ATP2A2: variants seen among roughly 807,000 people sequenced by gnomAD.
ATP2A2 encodes sarcoplasmic/endoplasmic reticulum calcium ATPase 2.
In ATP2A2, 14 loss-of-function variants were observed where a neutral mutation model predicts 109.3. The observed-to-expected ratio is 0.13, with a 90% confidence interval of 0.08 to 0.20. The LOEUF (loss-of-function observed/expected upper bound fraction) is 0.20, where lower values mean the gene tolerates loss of function less well. Ranked by LOEUF, ATP2A2 falls within the 10% of genes least tolerant of loss-of-function variation. ATP2A2 has a pLI of 1.00. For missense variants in ATP2A2, 657 were observed against 1,321.6 expected (o/e 0.50, Z 7.80); for synonymous variants, 506 against 490.9 (o/e 1.03, Z -0.41).
intron 4 of ATP2A2, 86 bp from the exon 5 acceptor site, chr12:110,296,513 T>G: frequency 1.3e-6 from 2 of 1,554,880 alleles, no homozygotes; most frequent in Non-Finnish European, 1.8e-6. Flanking sequence ...TTTTAAAGAT[T>G]AGACCTCTAA....
chr12:110,341,384 C>T (rs998414027), intron 14 of ATP2A2, among the ~76,000 whole-genome samples: 1 of 151,988 alleles, frequency 6.6e-6, no homozygotes, highest in African/African-American at 2.4e-5. Flanking sequence ...CTTCCCCTCA[C>T]CTGATTTTCA....
chr12:110,285,138 TCAAA>T (rs1415552190), intron 3 of ATP2A2, among the ~76,000 whole-genome samples: 1 of 152,230 alleles, frequency 6.6e-6, no homozygotes, highest in African/African-American at 2.4e-5. Flanking sequence ...ACTTCAAATA[TCAAA>T]CTAAGTAGTA....
intron 5 of ATP2A2, among the ~76,000 whole-genome samples, chr12:110,305,434 T>C (rs768729021): frequency 3.9e-5 from 6 of 152,160 alleles, no homozygotes; most frequent in Middle Eastern, 3.2e-3. Flanking sequence ...GCAAAAACTA[T>C]GGTGTGAGGT....
In ATP2A2 at chr12:110,345,984, C is replaced by T. The variant is rs1026082345; in HGVS notation, c.2742-17C>T. On this transcript the variant is annotated splice_polypyrimidine_tract_variant and intron_variant, in intron 18 of 19. Coordinates refer to ENST00000539276, the MANE Select transcript of ATP2A2 (RefSeq NM_170665.4). The stretch of plus-strand genomic sequence containing the variant: ...TTGCCTTGGGGGTGCGTTTCCCCAC[C>T]TCTCCTTGCTCTGCAGCTTGTCCGA... 3.1e-6 allele frequency: 5 copies of T among 1,613,614 alleles called. No homozygotes were observed. The African/African-American group carries it at 6.7e-5, about 22-fold the overall frequency.
chr12:110,349,409 C>G lies in ATP2A2; in HGVS notation c.*2939C>G. On this transcript the variant is annotated 3_prime_UTR_variant, in exon 20 of 20. Coordinates refer to ENST00000539276, the MANE Select transcript of ATP2A2 (RefSeq NM_170665.4). ...GCCATCAGTGTCGCTTGTTGCCACC[C>G]CGTGCCTCCCTTGGCCTCTCTGAGC... The G allele has an allele frequency of 1.0e-6, 1 of 985,570 alleles. No individual in the cohort carries two copies. The highest frequency in any genetic ancestry group is 1.2e-6 in the Non-Finnish European group (1 of 830,012). 61.1% of individuals were successfully genotyped at this position (985,570 alleles called of 1,614,324 possible).
chr12:110,345,470 C>A, intron 18 of ATP2A2, 88 bp downstream of exon 18: 1 of 1,567,312 alleles, frequency 6.4e-7, no homozygotes, highest in Non-Finnish European at 8.8e-7. Flanking sequence ...GATTGAGGAT[C>A]ACAGGACAGT....
At chr12:110,320,429 G>A (rs894140030) in intron 5 of ATP2A2, among the ~76,000 whole-genome samples, 2 of 152,110 alleles carry the variant, frequency 1.3e-5, no homozygotes, top group Admixed American at 1.3e-4. Flanking sequence ...GGAACATTTG[G>A]AAATAAATTT....
chr12:110,339,470 A>G lies in ATP2A2; in HGVS notation c.1543-33A>G, dbSNP rs1879148289. ...TAAGATCCCGGTGAACCAATAAAAC[A>G]AAATTGTTTATCTAAATCTGTAACA... On this transcript the variant is annotated intron_variant, in intron 12 of 19. Transcript: ENST00000539276. The surrounding 1 kb of genome is among the most constrained non-coding windows in gnomAD (Gnocchi z 4.4). 2 of 1,614,086 alleles carry G rather than the reference A, an allele frequency of 1.2e-6. No homozygotes were observed. Among genetic ancestry groups the G allele is most frequent in the East Asian group, 2.2e-5 (1 of 44,878 alleles).
rs1879410470 is a variant in ATP2A2, at chr12:110,342,087, G to A, written c.2098-141G>A. ...AATGTGTTTTGTGACACCAACTTAT[G>A]AAACAAAAATTCTAAAACTCTTTGC... On this transcript the variant is annotated intron_variant, in intron 14 of 19. Transcript: ENST00000539276. This position sits in a 1 kb window ranked among gnomAD's most constrained non-coding sequence, Gnocchi z 4.6. The A allele has an allele frequency of 4.2e-6, 4 of 960,094 alleles. No individual in the cohort carries two copies. In the Admixed American group the frequency reaches 8.1e-5, roughly 19 times the overall value. The allele number at this position is 960,094 out of a possible 1,614,324, so 59.5% of individuals were successfully genotyped here.
At position 110,349,884 on chromosome 12, in the gene ATP2A2, G is replaced by T. The variant is rs1332237741; in HGVS notation, c.*3414G>T. Reference sequence around the variant, plus strand: ...CAAGGCAGGCGAGCAGCCAGAAGCCGGGTGCCCACAGGGCAGGGACAGGAA... The same window carrying T: ...CAAGGCAGGCGAGCAGCCAGAAGCCTGGTGCCCACAGGGCAGGGACAGGAA... On this transcript the variant is annotated 3_prime_UTR_variant, in exon 20 of 20. Transcript: ENST00000539276. 1 of 1,058,392 alleles carries T rather than the reference G, an allele frequency of 9.4e-7. No individual in the cohort carries two copies. Among genetic ancestry groups the T allele is most frequent in the Non-Finnish European group, 1.1e-6 (1 of 874,686 alleles). The allele number at this position is 1,058,392 out of a possible 1,614,324, so 65.6% of individuals were successfully genotyped here.
intron 11 of ATP2A2, among the ~76,000 whole-genome samples, chr12:110,337,118 C>T (rs1878909437): frequency 6.6e-6 from 1 of 152,186 alleles, no homozygotes; most frequent in Non-Finnish European, 1.5e-5. Flanking sequence ...TGCTCCAGAG[C>T]TCCCTTGTCC....
In ATP2A2 at chr12:110,344,894, G is replaced by A. The variant is rs568954009; in HGVS notation, c.2530G>A (p.Gly844Ser). 1 of 1,614,138 alleles carries A rather than the reference G, an allele frequency of 6.2e-7. No homozygotes were observed. Among genetic ancestry groups the A allele is most frequent in the Non-Finnish European group, 8.5e-7 (1 of 1,180,016 alleles). The change falls in exon 17 of 20, where the codon GGC becomes AGC. Residue 844 changes from glycine (G) to serine (S), a missense_variant. Around this residue, in one of 9 missense-constraint regions of ATP2A2, gnomAD observed 125 missense variants for 243.5 expected, o/e 0.51. Coordinates refer to ENST00000539276, the MANE Select transcript of ATP2A2 (RefSeq NM_170665.4). ...FRYLAIGCYV[G>S]AATVGAAAWW... ...ACTGTGTTTGTTCCCAGGTTACGTC[G>A]GCGCTGCTACCGTGGGTGCTGCTGC...
chr12:110,300,276 C>T (rs1028844695), intron 5 of ATP2A2, among the ~76,000 whole-genome samples: 22 of 147,308 alleles, frequency 1.5e-4, no homozygotes, highest in Non-Finnish European at 7.5e-5. Context: ...ACCTCGAACT[C>T]CTTGGCTTCA....
In ATP2A2 at chr12:110,350,920, G is replaced by A. The variant is rs1217195027; in HGVS notation, c.*4450G>A. On this transcript the variant is annotated 3_prime_UTR_variant, in exon 20 of 20. Transcript: ENST00000539276. The stretch of plus-strand genomic sequence containing the variant: ...AATCAGAAGCAGTAGACAGATGTTG[G>A]TGCAATACAAATATTGTGATGCATT... 6.5e-6 allele frequency: 1 copy of A among 153,848 alleles called. No individual in the cohort carries two copies. Among genetic ancestry groups the A allele is most frequent in the Non-Finnish European group, 1.4e-5 (1 of 69,110 alleles). 9.5% of individuals were successfully genotyped at this position (153,848 alleles called of 1,614,324 possible). A position where few individuals can be genotyped will look rare whatever the true frequency, so the allele number is the denominator to read the frequency against.
In ATP2A2 at chr12:110,340,943, C is replaced by T. The variant is rs369366671; in HGVS notation, c.2046C>T (p.His682=). 6.2e-7 allele frequency: 1 copy of T among 1,614,118 alleles called. No individual in the cohort carries two copies. The highest frequency in any genetic ancestry group is 8.5e-7 in the Non-Finnish European group (1 of 1,180,052). ...GTTTTGCTCGAGTTGAACCCTCCCA[C>T]AAGTCTAAAATCGTAGAATTTCTTC... ...ARCFARVEPS[H]KSKIVEFLQS... is the part of the protein sequence containing the mutation. The change falls in exon 14 of 20, where the codon CAC becomes CAT. Residue 682 remains histidine, a synonymous_variant. Coordinates refer to ENST00000539276, the MANE Select transcript of ATP2A2 (RefSeq NM_170665.4). This position sits in a 1 kb window ranked among gnomAD's most constrained non-coding sequence, Gnocchi z 6.0.
intron 6 of ATP2A2, among the ~76,000 whole-genome samples, chr12:110,324,828 C>CTT (rs1187160769): frequency 2.2e-4 from 30 of 134,462 alleles, no homozygotes; most frequent in East Asian, 4.4e-4. Context: ...TAATGAAAAT[C>CTT]TTTTTTTTTT....
Position 110,342,120 on chromosome 12 carries a change from C to T in ATP2A2, c.2098-108C>T, listed in dbSNP as rs1360384792. ...AATTCTAAAACTCTTTGCCAAGAGA[C>T]CTACGGCTCTATTCATTTTCCTCCT... is the stretch of plus-strand genomic sequence containing the variant. On this transcript the variant is annotated intron_variant, in intron 14 of 19. Transcript: ENST00000539276. This position sits in a 1 kb window ranked among gnomAD's most constrained non-coding sequence, Gnocchi z 4.6. 12 of 1,257,612 alleles carry T rather than the reference C, an allele frequency of 9.5e-6. No homozygotes were observed. In the African/African-American group the frequency reaches 1.3e-4, roughly 14 times the overall value. 77.9% of individuals were successfully genotyped at this position (1,257,612 alleles called of 1,614,324 possible). A position where few individuals can be genotyped will look rare whatever the true frequency, so the allele number is the denominator to read the frequency against.
chr12:110,345,899 T>G lies in ATP2A2; in HGVS notation c.2742-102T>G, dbSNP rs3026488. 4.9e-3 allele frequency: 5,819 copies of G among 1,194,236 alleles called. 219 individuals carry two copies. In the African/African-American group the frequency reaches 0.076, roughly 16 times the overall value. The allele number at this position is 1,194,236 out of a possible 1,614,324, so 74.0% of individuals were successfully genotyped here. On this transcript the variant is annotated intron_variant, in intron 18 of 19. Transcript: ENST00000539276. ...GGTAGGTCAGCGGATGGTGCCACATTAACAGCCGCCTTACTGAAGTGTAGT... is the reference window on the plus strand; with the variant it reads ...GGTAGGTCAGCGGATGGTGCCACATGAACAGCCGCCTTACTGAAGTGTAGT...
chr12:110,326,009 A>G, intron 6 of ATP2A2: 1 of 274,316 alleles, frequency 3.6e-6, no homozygotes, highest in South Asian at 4.0e-5. Context: ...AAGTATCAGT[A>G]TATATGTTAA....
Sources: allele counts gnomAD v4.1 joint callset (sites outside exome capture counted in the v4.1 genomes callset), GRCh38; gene constraint gnomAD v4.1.1; regional missense constraint gnomAD v4.1.1; non-coding constraint Gnocchi (gnomAD v3.1); transcripts MANE v1.5; gene names NCBI Gene and HGNC (gene_info 2026-07-23, HGNC 2026-07-21).